CDH13: variants seen among roughly 807,000 people sequenced by gnomAD.
The protein encoded by CDH13 is cadherin-13.
In CDH13, 24 loss-of-function variants were observed where a neutral mutation model predicts 63.8. The ratio of observed to expected loss-of-function variants is 0.38; its 90% CI spans 0.27 to 0.53. The LOEUF is 0.53. Ranked by LOEUF, CDH13 falls within the 20% of genes least tolerant of loss-of-function variation. The pLI, the probability that CDH13 is intolerant of heterozygous loss-of-function variation, is 0.85. For synonymous variants in CDH13, 503 were observed against 355.3 expected (o/e 1.42, Z -4.67); for missense variants, 1,049 against 903.1 (o/e 1.16, Z -2.07).
chr16:83,677,929 GTGTCCGGAT>G (rs1915096774), intron 9 of CDH13, among the ~76,000 whole-genome samples: 2 of 152,078 alleles, frequency 1.3e-5, no homozygotes, highest in Non-Finnish European at 2.9e-5. Flanking sequence ...AAGTCACTCA[GTGTCCGGAT>G]CACTAAGGCT....
intron 1 of CDH13, among the ~76,000 whole-genome samples, chr16:82,632,522 C>G (rs1245646272): frequency 6.6e-6 from 1 of 152,106 alleles, no homozygotes; most frequent in African/African-American, 2.4e-5. Context: ...CGCTGCAGCT[C>G]TGAGTCAGTA....
chr16:83,216,876 A>T (rs2039551032), intron 4 of CDH13, among the ~76,000 whole-genome samples: 1 of 151,980 alleles, frequency 6.6e-6, no homozygotes, highest in Non-Finnish European at 1.5e-5. Flanking sequence ...CCTCTGCACC[A>T]TGCCTAGTAC....
At chr16:82,754,572 A>G (rs1046010483) in intron 1 of CDH13, among the ~76,000 whole-genome samples, 1 of 152,200 alleles carries the variant, frequency 6.6e-6, no homozygotes, top group African/African-American at 2.4e-5. Context: ...AAGCATTATC[A>G]GACAGAGACA....
chr16:83,013,391 CAGTT>C (rs1390809141), intron 2 of CDH13, among the ~76,000 whole-genome samples: 1 of 152,166 alleles, frequency 6.6e-6, no homozygotes, highest in Non-Finnish European at 1.5e-5. Context: ...TTCAGCATCT[CAGTT>C]AGGCCCACTC....
At chr16:83,498,089 T>A (rs1467713125) in intron 7 of CDH13, among the ~76,000 whole-genome samples, 2 of 152,182 alleles carry the variant, frequency 1.3e-5, no homozygotes, top group African/African-American at 4.8e-5. Context: ...AACGAAAAAG[T>A]GCCATCTAGA....
intron 6 of CDH13, among the ~76,000 whole-genome samples, chr16:83,405,677 G>T (rs549724430): frequency 6.6e-6 from 1 of 152,290 alleles, no homozygotes; most frequent in South Asian, 2.1e-4. Context: ...ATATTTTAGC[G>T]AATATTTTTA....
At chr16:83,677,613 G>A (rs1056895234) in intron 9 of CDH13, among the ~76,000 whole-genome samples, 1 of 152,122 alleles carries the variant, frequency 6.6e-6, no homozygotes, top group Non-Finnish European at 1.5e-5. Context: ...GGCTATACTT[G>A]AAGGGACATA....
intron 5 of CDH13, among the ~76,000 whole-genome samples, chr16:83,254,903 C>A (rs1906021275): frequency 7.2e-6 from 1 of 138,616 alleles, no homozygotes; most frequent in Admixed American, 7.3e-5. Context: ...TAAAACTCAT[C>A]TGTCTAAAAA....
intron 7 of CDH13, among the ~76,000 whole-genome samples, chr16:83,550,020 A>G (rs1024256805): frequency 6.6e-6 from 1 of 152,208 alleles, no homozygotes; most frequent in Non-Finnish European, 1.5e-5. Flanking sequence ...CCAAGCCAAA[A>G]ACACTAATTA....
intron 1 of CDH13, among the ~76,000 whole-genome samples, chr16:82,851,863 T>A (rs9936407): frequency 2.0e-5 from 3 of 152,078 alleles, no homozygotes; most frequent in Admixed American, 6.5e-5. Context: ...TCAGAGGCAG[T>A]ATCCTTTCTT....
intron 5 of CDH13, among the ~76,000 whole-genome samples, chr16:83,324,854 AC>A (rs1463394939): frequency 5.9e-5 from 9 of 152,208 alleles, no homozygotes; most frequent in African/African-American, 1.9e-4. Flanking sequence ...TAATGCTGTT[AC>A]GTTGCCCTTA....
At chr16:83,227,413 GA>G (rs1464892712) in intron 5 of CDH13, among the ~76,000 whole-genome samples, 1 of 152,148 alleles carries the variant, frequency 6.6e-6, no homozygotes, top group African/African-American at 2.4e-5. Flanking sequence ...GGCCTCCCAG[GA>G]AATACCTGGG....
intron 1 of CDH13, among the ~76,000 whole-genome samples, chr16:82,779,202 A>C (rs1321011181): frequency 4.6e-5 from 7 of 152,194 alleles, no homozygotes; most frequent in Admixed American, 4.6e-4. Context: ...ACTCCTTAGA[A>C]GCTAAGTACT....
chr16:83,166,288 C>T (rs1244027408), intron 4 of CDH13, among the ~76,000 whole-genome samples: 3 of 152,056 alleles, frequency 2.0e-5, no homozygotes, highest in African/African-American at 7.2e-5. Flanking sequence ...TTATGTAAAT[C>T]TCTAACATGG....
chr16:82,817,411 A>G (rs755462395), intron 1 of CDH13, among the ~76,000 whole-genome samples: 2 of 152,202 alleles, frequency 1.3e-5, no homozygotes, highest in Non-Finnish European at 2.9e-5. Flanking sequence ...TCTAGGCCCC[A>G]GTTACCTCCA....
intron 6 of CDH13, among the ~76,000 whole-genome samples, chr16:83,461,360 C>A (rs1043953193): frequency 6.6e-6 from 1 of 152,062 alleles, no homozygotes; most frequent in African/African-American, 2.4e-5. Flanking sequence ...TAAAATCTGG[C>A]TCATCCAGAG....
intron 4 of CDH13, among the ~76,000 whole-genome samples, chr16:83,199,948 G>A (rs2038977178): frequency 6.6e-6 from 1 of 152,178 alleles, no homozygotes; most frequent in South Asian, 2.1e-4. Context: ...CAGGAATGGT[G>A]GCTATTGCTC....
intron 1 of CDH13, among the ~76,000 whole-genome samples, chr16:82,787,957 A>C (rs2036101478): frequency 1.3e-5 from 2 of 150,246 alleles, no homozygotes; most frequent in African/African-American, 2.4e-5. Flanking sequence ...TACAGTAAGT[A>C]AGAGGATGGT....
chr16:83,216,427 T>TATATATATAA (rs1555513893), intron 4 of CDH13, among the ~76,000 whole-genome samples: 1,356 of 45,024 alleles, frequency 0.03, 236 homozygotes, highest in East Asian at 0.17. Flanking sequence ...TATATATATA[T>TATATATATAA]ATATATATAT....
Sources: gnomAD v4.1 joint callset for allele counts (sites outside exome capture counted in the v4.1 genomes callset) on GRCh38, gnomAD v4.1.1 for gene constraint, MANE v1.5 for transcripts, NCBI Gene and HGNC (gene_info 2026-07-23, HGNC 2026-07-21) for gene names.